The following ZEB2 variants were observed in gnomAD, a reference collection of about 807,000 sequenced individuals.
The protein encoded by ZEB2 is zinc finger E-box binding homeobox 2.
ZEB2 carries 6 observed loss-of-function variants against 99.9 expected under a neutral mutation model. The observed-to-expected ratio is 0.06, with a 90% CI of 0.03 to 0.12. The LOEUF (loss-of-function observed/expected upper bound fraction) is 0.12, where lower values mean the gene tolerates loss of function less well. ZEB2 is among the 10% of genes least tolerant of loss of function. ZEB2 has a pLI of 1.00. For synonymous variants in ZEB2, 517 were observed against 542.5 expected (o/e 0.95, Z 0.65); for missense variants, 969 against 1,502.8 (o/e 0.64, Z 5.87).
chr2:144,483,117 G>GACACAC (rs70985858), intron 2 of ZEB2, among the ~76,000 whole-genome samples: 7,029 of 130,638 alleles, frequency 0.054, 228 homozygotes, highest in East Asian at 0.13. Context: ...GTTTAGGTAA[G>GACACAC]ACACACACAC....
chr2:144,399,492 C>A lies in ZEB2; in HGVS notation c.1695G>T (p.Leu565Phe), dbSNP rs1333425873. The A allele has an allele frequency of 6.2e-7, 1 of 1,614,036 alleles. No homozygotes were observed. The highest frequency in any genetic ancestry group is 2.2e-5 in the East Asian group (1 of 44,880). ...KKEKLRTLID[L>F]VTDDKMIENH... ...TCTCAATCATTTTGTCATCAGTGAC[C>A]AAATCTATTAAAGTACGTAGCTTCT... Residue 565 changes from leucine to phenylalanine, a missense_variant, in exon 8 of 10, where the codon TTG (leucine) becomes TTT (phenylalanine). Transcript: ENST00000627532. The surrounding 1 kb of genome is among the most constrained non-coding windows in gnomAD (Gnocchi z 5.6).
In ZEB2 at chr2:144,456,117, G is replaced by GT. The variant is rs531749927; in HGVS notation, c.74-26092dup. On this transcript the variant is annotated intron_variant, in intron 2 of 9. Coordinates refer to ENST00000627532, the MANE Select transcript of ZEB2 (RefSeq NM_014795.4). ...AAATCCATCCCAAGTTTGTTCCATTGTTTTTTTTTTTTAAAGCATTTTATT... is the reference window on the plus strand; with the variant it reads ...AAATCCATCCCAAGTTTGTTCCATTGTTTTTTTTTTTTTAAAGCATTTTATT... 9.3e-3 allele frequency among the ~76,000 whole-genome samples: 1,358 copies of GT among 146,022 alleles called. 22 individuals carry two copies. The highest frequency in any genetic ancestry group is 0.029 in the African/African-American group (1,184 of 40,270).
At chr2:144,486,070 CATATATTTTTACCTATG>C (rs1704591279) in intron 2 of ZEB2, among the ~76,000 whole-genome samples, 1 of 152,128 alleles carries the variant, frequency 6.6e-6, no homozygotes, top group Non-Finnish European at 1.5e-5. Context: ...CCAATAGTGA[CATATATTTTTACCTATG>C]ATATGAGTGA....
At chr2:144,398,078 AT>A (rs1447113274) in intron 8 of ZEB2, 1 of 478,240 alleles carries the variant, frequency 2.1e-6, no homozygotes, top group African/African-American at 2.0e-5. Context: ...ATAAATATTA[AT>A]TTCTTCTTTA....
intron 2 of ZEB2, among the ~76,000 whole-genome samples, chr2:144,450,821 G>A (rs772896193): frequency 8.6e-5 from 13 of 152,024 alleles, no homozygotes; most frequent in Non-Finnish European, 1.8e-4. Flanking sequence ...GATTACAGGC[G>A]CCCACCACCA....
chr2:144,411,676 G>T (rs1212315815), intron 4 of ZEB2, among the ~76,000 whole-genome samples: 4 of 152,136 alleles, frequency 2.6e-5, no homozygotes, highest in African/African-American at 7.2e-5. Flanking sequence ...GCTCTTCCTG[G>T]GAATTAGTAC....
Position 144,398,981 on chromosome 2 carries a change from T to C in ZEB2, c.2206A>G (p.Met736Val), listed in dbSNP as rs139191491. ...SLLPRSPVKP[M>V]DSITSPSIAE... is the part of the protein sequence containing the mutation. The stretch of plus-strand genomic sequence containing the variant: ...ATAGATGGTGATGTTATGGAGTCCA[T>C]AGGTTTTACAGGAGACCTGGGTAAT... Residue 736 changes from methionine to valine, a missense_variant, in exon 8 of 10, where the codon ATG becomes GTG. Met to Val is a conservative substitution (Grantham distance 21). Around this residue, in one of 8 missense-constraint regions of ZEB2, gnomAD observed 346 missense variants for 460.0 expected, o/e 0.75. Coordinates refer to ENST00000627532, the MANE Select transcript of ZEB2 (RefSeq NM_014795.4). The C allele has an allele frequency of 1.6e-4, 256 of 1,614,176 alleles. No homozygotes were observed. In the African/African-American group the frequency reaches 1.8e-3, roughly 12 times the overall value.
chr2:144,517,260 G>C lies in ZEB2; in HGVS notation c.73+18C>G, dbSNP rs775353217. On this transcript the variant is annotated intron_variant, in intron 2 of 9. Transcript: ENST00000627532. ...CCGCGTAGTGGCCCGGAAAAGTTTG[G>C]TTCGGGCTGCTTCTTACCGTTTTTC... The C allele has an allele frequency of 8.7e-6, 14 of 1,613,178 alleles. No individual in the cohort carries two copies. In the Admixed American group the frequency reaches 1.5e-4, roughly 17 times the overall value.
In ZEB2 at chr2:144,386,898, T is replaced by G. The variant is rs1158361079; in HGVS notation, c.*2553A>C. The G allele has an allele frequency of 2.0e-5, 3 of 151,866 alleles. No homozygotes were observed. The highest frequency in any genetic ancestry group is 2.9e-5 in the Non-Finnish European group (2 of 67,970). 9.4% of individuals were successfully genotyped at this position (151,866 alleles called of 1,614,324 possible). On this transcript the variant is annotated 3_prime_UTR_variant, in exon 10 of 10. Transcript: ENST00000627532. ...TCTAGGCTGTGGATAACAGGAGGCATAGCATTTTGATGCCACTCCTCCCCC... is the reference window on the plus strand; with the variant it reads ...TCTAGGCTGTGGATAACAGGAGGCAGAGCATTTTGATGCCACTCCTCCCCC...
intron 4 of ZEB2, chr2:144,424,302 C>T: frequency 2.0e-6 from 1 of 499,092 alleles, no homozygotes; most frequent in South Asian, 1.5e-5. Context: ...CAGAGAATTA[C>T]AAGTAAAGAA....
At chr2:144,403,108 T>C (rs1438342788) in intron 6 of ZEB2, among the ~76,000 whole-genome samples, 1 of 152,220 alleles carries the variant, frequency 6.6e-6, no homozygotes. Flanking sequence ...CATGCAAACA[T>C]ATCATAATAT....
At chr2:144,497,049 T>C (rs910641536) in intron 2 of ZEB2, among the ~76,000 whole-genome samples, 1 of 152,212 alleles carries the variant, frequency 6.6e-6, no homozygotes. Flanking sequence ...CTCAGTTGGC[T>C]GACAATGCCT....
At chr2:144,421,005 A>G (rs1703612482) in intron 4 of ZEB2, among the ~76,000 whole-genome samples, 1 of 152,192 alleles carries the variant, frequency 6.6e-6, no homozygotes, top group African/African-American at 2.4e-5. Context: ...AGAGGAGGAC[A>G]TGAGGGACAG....
intron 1 of ZEB2, 86 bp from the exon 2 acceptor site, chr2:144,517,505 C>G (rs960649291): frequency 3.4e-6 from 3 of 883,204 alleles, no homozygotes; most frequent in South Asian, 1.4e-5. Flanking sequence ...GGGCCAGGGC[C>G]CCGGCGAGCA....
At chr2:144,411,345 T>C (rs1404023510) in intron 4 of ZEB2, among the ~76,000 whole-genome samples, 6 of 151,988 alleles carry the variant, frequency 3.9e-5, no homozygotes, top group Non-Finnish European at 2.9e-5. Flanking sequence ...AAAATTATTT[T>C]GAATGTAGTC....
rs199944137 is a variant in ZEB2 at position 144,415,277 on chromosome 2, T to G, written c.403+9519A>C. 5.3e-5 allele frequency among the ~76,000 whole-genome samples: 8 copies of G among 152,176 alleles called. No homozygotes were observed. The East Asian group carries it at 1.5e-3, about 29-fold the overall frequency. ...TTCCATAGCACCTTGCAAAGGTGAATTTTTATTAGGTATTATTTTAACATC... is the reference window on the plus strand; with the variant it reads ...TTCCATAGCACCTTGCAAAGGTGAAGTTTTATTAGGTATTATTTTAACATC... On this transcript the variant is annotated intron_variant, in intron 4 of 9. Transcript: ENST00000627532.
At chr2:144,424,334 G>T (rs373669128) in intron 4 of ZEB2, 20 of 518,222 alleles carry the variant, frequency 3.9e-5, no homozygotes, top group Non-Finnish European at 6.9e-5. Flanking sequence ...GAACTGAGAT[G>T]ATTAATTATT....
intron 2 of ZEB2, among the ~76,000 whole-genome samples, chr2:144,498,233 A>G (rs1704816775): frequency 7.0e-6 from 1 of 143,022 alleles, no homozygotes; most frequent in African/African-American, 2.7e-5. Context: ...ACCAAACGTA[A>G]AGAGGTAAGA....
intron 3 of ZEB2, chr2:144,426,435 A>G (rs1703691055): frequency 6.6e-6 from 1 of 151,936 alleles, no homozygotes; most frequent in African/African-American, 2.4e-5. Flanking sequence ...GGTAGCCAAG[A>G]GTCACAAGAA....
Sources: gnomAD v4.1 joint callset for allele counts (sites outside exome capture counted in the v4.1 genomes callset) on GRCh38, gnomAD v4.1.1 for gene constraint, gnomAD v4.1.1 regional missense constraint, Gnocchi (gnomAD v3.1) non-coding constraint, MANE v1.5 for transcripts, NCBI Gene and HGNC (gene_info 2026-07-23, HGNC 2026-07-21) for gene names.